Variants in SLC68A1 observed in about 807,000 individuals in gnomAD.
The protein encoded by SLC68A1 is major facilitator superfamily domain containing 13A.
the SLC68A1 span, among the ~76,000 whole-genome samples, chr10:102,473,248 CCT>C: frequency 5.3e-5 from 8 of 151,958 alleles, no homozygotes; most frequent in Admixed American, 3.3e-4. Flanking sequence ...ATGGTGGCAC[CCT>C]GAGGGGGTGC....
the SLC68A1 span, chr10:102,471,167 T>C: frequency 3.8e-6 from 6 of 1,562,492 alleles, no homozygotes; most frequent in South Asian, 2.2e-5. Context: ...ACCTTCTAAG[T>C]CTGATTTCGG....
chr10:102,468,434 AG>A, the SLC68A1 span: 1 of 152,528 alleles, frequency 6.6e-6, no homozygotes, highest in Non-Finnish European at 1.5e-5. Context: ...GCACTTTGGG[AG>A]GCCGAGGTGG....
chr10:102,472,880 C>A, the SLC68A1 span: 1 of 1,614,224 alleles, frequency 6.2e-7, no homozygotes, highest in Non-Finnish European at 8.5e-7. Flanking sequence ...TCAACAGCAA[C>A]TTCTTCCCTC....
chr10:102,470,954 T>C, the SLC68A1 span: 9 of 1,613,390 alleles, frequency 5.6e-6, no homozygotes, highest in Non-Finnish European at 7.6e-6. Flanking sequence ...CTTTGCATCC[T>C]ATGCCTTTTG....
At chr10:102,469,181 C>T in the SLC68A1 span, 2 of 1,614,062 alleles carry the variant, frequency 1.2e-6, no homozygotes, top group South Asian at 2.2e-5. Flanking sequence ...AACAAAATGG[C>T]CTTCTGGGTC....
the SLC68A1 span, among the ~76,000 whole-genome samples, chr10:102,462,954 C>G: frequency 2.0e-3 from 299 of 152,304 alleles, 2 homozygotes; most frequent in African/African-American, 6.7e-3. Context: ...CTCTCTGACT[C>G]CCACAGTTAA....
chr10:102,470,144 C>CAAACACAGGCAGGGG, the SLC68A1 span: 3 of 1,447,262 alleles, frequency 2.1e-6, no homozygotes, highest in Non-Finnish European at 2.9e-6. Flanking sequence ...GGGAGGACCC[C>CAAACACAGGCAGGGG]TGCCTGTGTT....
At chr10:102,469,861 C>T in the SLC68A1 span, 1 of 1,432,614 alleles carries the variant, frequency 7.0e-7, no homozygotes, top group South Asian at 1.4e-5. Flanking sequence ...AGCAGAGGAA[C>T]TGACACCAGC....
the SLC68A1 span, among the ~76,000 whole-genome samples, chr10:102,470,313 C>T: frequency 6.6e-6 from 1 of 152,108 alleles, no homozygotes; most frequent in South Asian, 2.1e-4. Flanking sequence ...TTGGTTGGCC[C>T]CTCTGGACTG....
chr10:102,466,482 CAAAAAAAAA>C, the SLC68A1 span, among the ~76,000 whole-genome samples: 1 of 100,772 alleles, frequency 9.9e-6, no homozygotes, highest in African/African-American at 4.1e-5. Flanking sequence ...GACTCCACCT[CAAAAAAAAA>C]AAAAAAAAAA....
chr10:102,471,175 CGGTGCTGGGT>C, the SLC68A1 span: 3 of 387,568 alleles, frequency 7.7e-6, no homozygotes, highest in South Asian at 1.2e-4. Context: ...AGTCTGATTT[CGGTGCTGGGT>C]CCCCGGCTGA....
chr10:102,470,005 C>T, the SLC68A1 span: 1 of 1,614,030 alleles, frequency 6.2e-7, no homozygotes, highest in Non-Finnish European at 8.5e-7. Flanking sequence ...AGTGTTTCTC[C>T]TCTGGAACAG....
chr10:102,467,506 GACCTGAATAAAGCT>G, the SLC68A1 span, among the ~76,000 whole-genome samples: 1 of 152,124 alleles, frequency 6.6e-6, no homozygotes, highest in Non-Finnish European at 1.5e-5. Flanking sequence ...TTGTCAATTA[GACCTGAATAAAGCT>G]TTGAGGAAAA....
At chr10:102,468,062 G>T in the SLC68A1 span, among the ~76,000 whole-genome samples, 1 of 152,048 alleles carries the variant, frequency 6.6e-6, no homozygotes, top group South Asian at 2.1e-4. Flanking sequence ...TCCTCACCTA[G>T]GTCAGGCCCA....
the SLC68A1 span, chr10:102,469,809 A>G: frequency 2.0e-6 from 2 of 983,250 alleles, no homozygotes; most frequent in South Asian, 4.7e-5. Context: ...GGCCTCCCAA[A>G]GTGCTGGTGT....
chr10:102,472,692 C>T, the SLC68A1 span: 1 of 678,014 alleles, frequency 1.5e-6, no homozygotes, highest in Non-Finnish European at 2.7e-6. Context: ...AGGTTGTGTT[C>T]TGGCATGTTC....
At chr10:102,470,026 C>A in the SLC68A1 span, 1 of 1,614,090 alleles carries the variant, frequency 6.2e-7, no homozygotes, top group South Asian at 1.1e-5. Context: ...CCTCAATGAC[C>A]CCCTCTTCGG....
chr10:102,465,472 A>C, the SLC68A1 span, among the ~76,000 whole-genome samples: 1 of 151,796 alleles, frequency 6.6e-6, no homozygotes, highest in African/African-American at 2.4e-5. Context: ...TCCACGTAGC[A>C]GGCACTTGGC....
chr10:102,474,253 G>A, the SLC68A1 span, among the ~76,000 whole-genome samples: 7 of 152,230 alleles, frequency 4.6e-5, no homozygotes, highest in Admixed American at 3.3e-4. Context: ...GTGGGTGCCA[G>A]GGAGCTAACC....
Sources: gnomAD v4.1 joint callset for allele counts (sites outside exome capture counted in the v4.1 genomes callset) on GRCh38, gnomAD v4.1.1 for gene constraint, MANE v1.5 for transcripts, NCBI Gene and HGNC (gene_info 2026-07-23, HGNC 2026-07-21) for gene names.